MARF1: variants seen among roughly 807,000 people sequenced by gnomAD.
The protein encoded by MARF1 is meiosis regulator and mRNA stability factor 1.
MARF1 carries 24 observed loss-of-function variants against 168.2 expected under a neutral mutation model. That is an observed-to-expected ratio of 0.14 (90% CI 0.10 to 0.20). The LOEUF is 0.20. Among genes scored for constraint, MARF1 ranks in the 10% least tolerant of loss-of-function variants. The pLI is 1.00. For synonymous variants in MARF1, 868 were observed against 822.4 expected, an observed-to-expected ratio of 1.06 and a Z score of -0.95; for missense variants, 1,744 against 2,143.6, an observed-to-expected ratio of 0.81 and a Z score of 3.68.
chr16:15,612,254 G>A (rs900619515), intron 17 of MARF1, among the ~76,000 whole-genome samples: 1 of 152,214 alleles, frequency 6.6e-6, no homozygotes, highest in Non-Finnish European at 1.5e-5. Context: ...ATTCATGGGA[G>A]CTTCCTTGTA....
intron 21 of MARF1, 97 bp from the exon 22 acceptor site, chr16:15,604,495 A>G: frequency 1.3e-6 from 1 of 763,660 alleles, no homozygotes; most frequent in South Asian, 1.7e-5. Context: ...TGAGACCAAC[A>G]GATGAAAAAT....
At position 15,629,328 on chromosome 16, in the gene MARF1, T is replaced by C. The variant is rs569393699; in HGVS notation, c.1524+1004A>G. Reference sequence around the variant, plus strand: ...GGTAAGCCTCTGGTATCCACAACTCTCAACTGTCCATAGCATGAGTTTCAA... The same window carrying C: ...GGTAAGCCTCTGGTATCCACAACTCCCAACTGTCCATAGCATGAGTTTCAA... On this transcript the variant is annotated intron_variant, in intron 7 of 26. Coordinates refer to ENST00000396368, the MANE Select transcript of MARF1 (RefSeq NM_014647.4). Among the ~76,000 whole-genome samples, 35 of 152,234 alleles carry C rather than the reference T, an allele frequency of 2.3e-4. No homozygotes were observed. In the South Asian group the frequency reaches 6.8e-3, roughly 30 times the overall value.
At position 15,612,758 on chromosome 16, in the gene MARF1, C is replaced by T. The variant is rs376553668; in HGVS notation, c.3273G>A (p.Ser1091=). ...PPNTDPWLLR[S]KSPVGNPQLI... is the part of the protein sequence containing the mutation. ...GCTGGGGGTTACCTACAGGACTCTT[C>T]GAACGCAGAAGCCAAGGGTCTAGAA... The change falls in exon 17 of 27, where the codon TCG becomes TCA. Residue 1091 remains serine, a synonymous_variant. Coordinates refer to ENST00000396368, the MANE Select transcript of MARF1 (RefSeq NM_014647.4). 62 of 1,613,942 alleles carry T rather than the reference C, an allele frequency of 3.8e-5. No individual in the cohort carries two copies. Among genetic ancestry groups the T allele is most frequent in the Admixed American group, 6.7e-5 (4 of 59,984 alleles).
intron 1 of MARF1, among the ~76,000 whole-genome samples, chr16:15,640,209 A>G (rs965564537): frequency 1.3e-5 from 2 of 152,212 alleles, no homozygotes; most frequent in African/African-American, 2.4e-5. Context: ...TGGTTTCTTG[A>G]TCTGAGCATG....
intron 7 of MARF1, among the ~76,000 whole-genome samples, chr16:15,626,960 T>C (rs1168147100): frequency 1.8e-5 from 1 of 55,058 alleles, no homozygotes; most frequent in South Asian, 4.6e-4. Context: ...CGAGATTCTG[T>C]GAAAAAAAAA....
chr16:15,641,676 CAG>C (rs1323767271), intron 1 of MARF1, among the ~76,000 whole-genome samples: 2 of 152,098 alleles, frequency 1.3e-5, no homozygotes, highest in African/African-American at 4.8e-5. Context: ...GTGAAATAGA[CAG>C]GGGAGAAATT....
Position 15,631,485 on chromosome 16 carries a change from T to C in MARF1, c.1247A>G (p.His416Arg). ...GGCATTCTTTGCAGTAGCATTGATG[T>C]GGGCAACGGTTACCTGCATTAATTT... The part of the protein sequence containing the change: ...ELNNCQVTVA[H>R]INATAKNAAD... The change falls in exon 6 of 27, where the codon CAC becomes CGC. Residue 416 changes from histidine to arginine, a missense_variant. By Grantham distance (29) the His-to-Arg change is conservative. This residue lies in a region of MARF1 where 217 missense variants were observed against 372.4 expected (regional missense o/e 0.58). Transcript: ENST00000396368. 1 of 1,610,848 alleles carries C rather than the reference T, an allele frequency of 6.2e-7. No individual in the cohort carries two copies. Among genetic ancestry groups the C allele is most frequent in the Non-Finnish European group, 8.5e-7 (1 of 1,177,546 alleles).
intron 1 of MARF1, among the ~76,000 whole-genome samples, chr16:15,641,650 T>G (rs1186753090): frequency 2.0e-5 from 3 of 152,178 alleles, no homozygotes; most frequent in Non-Finnish European, 4.4e-5. Context: ...TCTTATATAA[T>G]TTTTGCAATA....
At chr16:15,609,450 C>G in intron 20 of MARF1, 73 bp downstream of exon 20, 3 of 1,292,242 alleles carry the variant, frequency 2.3e-6, no homozygotes, top group Non-Finnish European at 3.3e-6. Context: ...AAAAACAGGT[C>G]TGGAACGTGA....
Position 15,617,522 on chromosome 16 carries a change from A to G in MARF1, c.2734T>C (p.Leu912=), listed in dbSNP as rs756125694. Reference sequence around the variant, plus strand: ...AATTTATATAGATCTGACACATTCAACTTGTGTCCAAACCTAAAAGCAAGA... The same window carrying G: ...AATTTATATAGATCTGACACATTCAGCTTGTGTCCAAACCTAAAAGCAAGA... The part of the protein sequence containing the change: ...DIYEKKFGHK[L]NVSDLYKLTD... The change falls in exon 14 of 27, where the codon TTG becomes CTG. Residue 912 remains leucine (L), a synonymous_variant. Coordinates refer to ENST00000396368, the MANE Select transcript of MARF1 (RefSeq NM_014647.4). 17 of 1,609,160 alleles carry G rather than the reference A, an allele frequency of 1.1e-5. No individual in the cohort carries two copies. The highest frequency in any genetic ancestry group is 1.3e-5 in the African/African-American group (1 of 74,776).
chr16:15,600,293 T>A, intron 25 of MARF1, 135 bp downstream of exon 25: 1 of 1,195,876 alleles, frequency 8.4e-7, no homozygotes, highest in Non-Finnish European at 1.2e-6. Context: ...CCAAAACTGC[T>A]TTGAAAAATG....
At chr16:15,616,418 G>A (rs2034046461) in intron 15 of MARF1, among the ~76,000 whole-genome samples, 1 of 152,178 alleles carries the variant, frequency 6.6e-6, no homozygotes, top group Non-Finnish European at 1.5e-5. Context: ...ATGCATATTT[G>A]AAGCTGTGTA....
In MARF1 at chr16:15,609,924, G is replaced by T. The variant is rs148477810; in HGVS notation, c.3752-199C>A. Among the ~76,000 whole-genome samples the T allele has an allele frequency of 5.0e-3, 757 of 152,222 alleles. 4 individuals are homozygous for T. Among genetic ancestry groups the T allele is most frequent in the African/African-American group, 0.016 (655 of 41,510 alleles). Reference sequence around the variant, plus strand: ...AAACATGTTCCAGGGCAGAACACCAGGAAGTTATGATATTATTATATTATG... The same window carrying T: ...AAACATGTTCCAGGGCAGAACACCATGAAGTTATGATATTATTATATTATG... On this transcript the variant is annotated intron_variant, in intron 19 of 26. Transcript: ENST00000396368.
Position 15,617,180 on chromosome 16 carries a change from A to G in MARF1, c.2958-9T>C, listed in dbSNP as rs1483686104. Reference sequence around the variant, plus strand: ...GATCAAATTCATGTTCGCTGAAGAAAAGAGAACACAATTGGAAGCTGACAT... The same window carrying G: ...GATCAAATTCATGTTCGCTGAAGAAGAGAGAACACAATTGGAAGCTGACAT... On this transcript the variant is annotated splice_polypyrimidine_tract_variant and intron_variant, in intron 14 of 26. Coordinates refer to ENST00000396368, the MANE Select transcript of MARF1 (RefSeq NM_014647.4). 12 of 1,613,654 alleles carry G rather than the reference A, an allele frequency of 7.4e-6. No individual in the cohort carries two copies. The highest frequency in any genetic ancestry group is 1.0e-5 in the Non-Finnish European group (12 of 1,179,852).
chr16:15,624,695 T>C, intron 10 of MARF1, 74 bp downstream of exon 10: 3 of 1,422,820 alleles, frequency 2.1e-6, no homozygotes, highest in Middle Eastern at 4.1e-4. Context: ...CTGAATTCTT[T>C]TCAACAAACA....
Position 15,633,608 on chromosome 16 carries a change from T to G in MARF1, c.1233+9A>C. ...TGTAGATTAAAATTATTAAATTTTT[T>G]TTTTTTACCTGGCAATTATTCAGCT... On this transcript the variant is annotated intron_variant, in intron 5 of 26. Transcript: ENST00000396368. 1 of 1,566,784 alleles carries G rather than the reference T, an allele frequency of 6.4e-7. No homozygotes were observed. The highest frequency in any genetic ancestry group is 8.7e-7 in the Non-Finnish European group (1 of 1,145,502).
At chr16:15,634,345 T>G (rs1163471619) in intron 4 of MARF1, among the ~76,000 whole-genome samples, 3 of 152,254 alleles carry the variant, frequency 2.0e-5, no homozygotes, top group Non-Finnish European at 4.4e-5. Flanking sequence ...AAACGTCGCA[T>G]TAACTACTTT....
Position 15,617,332 on chromosome 16 carries a change from A to T in MARF1, c.2924T>A (p.Val975Asp). 1 of 1,614,148 alleles carries T rather than the reference A, an allele frequency of 6.2e-7. No individual in the cohort carries two copies. The highest frequency in any genetic ancestry group is 8.5e-7 in the Non-Finnish European group (1 of 1,179,992). Residue 975 changes from valine to aspartate, a missense_variant, in exon 14 of 27, where the codon GTC (valine) becomes GAC (aspartate). Physicochemically the swap from Val to Asp is radical, Grantham distance 152 (BLOSUM62 -3). This residue lies in a region of MARF1 where 543 missense variants were observed against 742.1 expected (regional missense o/e 0.73). Coordinates refer to ENST00000396368, the MANE Select transcript of MARF1 (RefSeq NM_014647.4). The part of the protein sequence containing the change: ...IFEELEYHEP[V>D]CRQHCSNKDF... ...CTTATTGGAACAATGCTGTCTGCAG[A>T]CAGGCTCGTGATATTCTAACTCTTC...
intron 16 of MARF1, among the ~76,000 whole-genome samples, chr16:15,613,661 C>CAATAAATAAGTAAATAAATA (rs74800793): frequency 2.9e-4 from 37 of 126,656 alleles, no homozygotes; most frequent in African/African-American, 1.1e-3. Context: ...GATTCCGTCT[C>CAATAAATAAGTAAATAAATA]AATAAATAAA....
Sources: gnomAD v4.1 joint callset for allele counts (sites outside exome capture counted in the v4.1 genomes callset) on GRCh38, gnomAD v4.1.1 for gene constraint, gnomAD v4.1.1 regional missense constraint, MANE v1.5 for transcripts, NCBI Gene and HGNC (gene_info 2026-07-23, HGNC 2026-07-21) for gene names.